C10orf90: variants seen among roughly 807,000 people sequenced by gnomAD.
C10orf90 encodes chromosome 10 open reading frame 90.
Under a neutral mutation model 62.5 loss-of-function variants are expected in C10orf90, and 56 were observed. That is an observed-to-expected ratio of 0.90 (90% CI 0.72 to 1.12). C10orf90 has a LOEUF of 1.12. Ranked by LOEUF, C10orf90 falls within the 50% of genes most tolerant of loss-of-function variation. The pLI, the probability that C10orf90 is intolerant of heterozygous loss-of-function variation, is 0.00. For synonymous variants in C10orf90, 386 were observed against 340.4 expected (o/e 1.13, Z -1.47); for missense variants, 970 against 880.4 (o/e 1.10, Z -1.29).
At position 126,477,076 on chromosome 10, in the gene C10orf90, A is replaced by ATTTTTTTTTTTTTTTTTTT. The variant is rs551973906; in HGVS notation, c.1535-12109_1535-12091dup. ...AGGTGCCCAACATCACGCCTGGCTA[A>ATTTTTTTTTTTTTTTTTTT]TTTTTTTTTTTTTTTTTTTTTTTTT... On this transcript the variant is annotated intron_variant, in intron 4 of 9. Coordinates refer to ENST00000488181, the MANE Select transcript of C10orf90 (RefSeq NM_001350921.2). 1.6e-4 allele frequency among the ~76,000 whole-genome samples: 9 copies of ATTTTTTTTTTTTTTTTTTT among 56,434 alleles called. 2 individuals carry two copies. Among genetic ancestry groups the ATTTTTTTTTTTTTTTTTTT allele is most frequent in the Non-Finnish European group, 2.9e-4 (9 of 30,884 alleles). The allele number at this position is 56,434 out of a possible 152,430, so 37.0% of individuals were successfully genotyped here.
chr10:126,544,200 C>A (rs1415418624), intron 2 of C10orf90, among the ~76,000 whole-genome samples: 1 of 152,318 alleles, frequency 6.6e-6, no homozygotes, highest in South Asian at 2.1e-4. Context: ...GGCCCAGGGG[C>A]CCCAGTTGGT....
intron 2 of C10orf90, among the ~76,000 whole-genome samples, chr10:126,644,584 C>T (rs954276435): frequency 6.6e-6 from 1 of 152,206 alleles, no homozygotes; most frequent in African/African-American, 2.4e-5. Flanking sequence ...TGTCTCCCTC[C>T]CAACCCAGGG....
chr10:126,571,792 C>A (rs1012980896), intron 2 of C10orf90, among the ~76,000 whole-genome samples: 5 of 152,090 alleles, frequency 3.3e-5, no homozygotes, highest in Non-Finnish European at 7.4e-5. Context: ...GAACCTGGGA[C>A]TCCAGGCGTA....
intron 4 of C10orf90, chr10:126,470,033 C>A: frequency 4.4e-6 from 2 of 455,874 alleles, no homozygotes; most frequent in South Asian, 3.1e-5. Flanking sequence ...CATTCTTCTG[C>A]AGGATGCATG....
At position 126,487,182 on chromosome 10, in the gene C10orf90, A is replaced by C. The variant is rs375276275; in HGVS notation, c.1534+16775T>G. ...AAAAAAAAAAAAGAAAGAAAGAACA[A>C]AAGAACGACATAGTATAAAACACAC... On this transcript the variant is annotated intron_variant, in intron 4 of 9. Transcript: ENST00000488181. Among the ~76,000 whole-genome samples the C allele has an allele frequency of 1.5e-4, 23 of 151,418 alleles. No homozygotes were observed. In the South Asian group the frequency reaches 2.9e-3, roughly 19 times the overall value.
At chr10:126,520,522 C>T (rs1008650707) in intron 2 of C10orf90, 2 of 152,230 alleles carry the variant, frequency 1.3e-5, no homozygotes, top group Non-Finnish European at 2.9e-5. Flanking sequence ...CCTAACTCCT[C>T]ACCCGTGACA....
chr10:126,622,385 A>T (rs1446788348), intron 2 of C10orf90, among the ~76,000 whole-genome samples: 1 of 152,142 alleles, frequency 6.6e-6, no homozygotes, highest in Non-Finnish European at 1.5e-5. Flanking sequence ...TGACCCAGAA[A>T]AAAGCCTCAG....
chr10:126,632,842 T>A (rs1011236365), intron 2 of C10orf90, among the ~76,000 whole-genome samples: 1 of 152,166 alleles, frequency 6.6e-6, no homozygotes, highest in African/African-American at 2.4e-5. Flanking sequence ...TAGATGAGCC[T>A]GAGTGAGCAG....
chr10:126,448,115 C>T (rs1326401760), intron 7 of C10orf90, among the ~76,000 whole-genome samples: 2 of 148,626 alleles, frequency 1.3e-5, no homozygotes, highest in Non-Finnish European at 3.0e-5. Context: ...CATGATCCCC[C>T]TGCCTCGGCC....
intron 2 of C10orf90, among the ~76,000 whole-genome samples, chr10:126,518,697 G>A (rs1353507384): frequency 6.6e-6 from 1 of 152,168 alleles, no homozygotes; most frequent in Non-Finnish European, 1.5e-5. Flanking sequence ...CCCAGGGAGT[G>A]TGTGTGCTCA....
chr10:126,546,784 TA>T (rs1864501923), intron 2 of C10orf90, among the ~76,000 whole-genome samples: 1 of 152,192 alleles, frequency 6.6e-6, no homozygotes, highest in African/African-American at 2.4e-5. Flanking sequence ...GAAGATTTAA[TA>T]AGATCCAGAG....
At chr10:126,445,197 A>G (rs1273070914) in intron 7 of C10orf90, among the ~76,000 whole-genome samples, 2 of 152,192 alleles carry the variant, frequency 1.3e-5, no homozygotes, top group Non-Finnish European at 2.9e-5. Flanking sequence ...GAGCTTTTGC[A>G]TGACAAAAGG....
chr10:126,489,555 T>G (rs1168630118), intron 4 of C10orf90, among the ~76,000 whole-genome samples: 1 of 152,066 alleles, frequency 6.6e-6, no homozygotes, highest in African/African-American at 2.4e-5. Flanking sequence ...TGGATATTAA[T>G]TGAAAAAACA....
intron 2 of C10orf90, among the ~76,000 whole-genome samples, chr10:126,608,212 G>T (rs779245633): frequency 6.6e-6 from 1 of 152,136 alleles, no homozygotes; most frequent in African/African-American, 2.4e-5. Flanking sequence ...GGGCTCAAGC[G>T]ATCCTCCGAT....
chr10:126,563,091 G>A lies in C10orf90; in HGVS notation c.314-49152C>T, dbSNP rs542677733. On this transcript the variant is annotated intron_variant, in intron 2 of 9. Coordinates refer to ENST00000488181, the MANE Select transcript of C10orf90 (RefSeq NM_001350921.2). Reference sequence around the variant, plus strand: ...CGGAGTATTTACACCACAGAAAGTGGCAAATGCTACAACTCGGGGCAAAAT... The same window carrying A: ...CGGAGTATTTACACCACAGAAAGTGACAAATGCTACAACTCGGGGCAAAAT... 1.5e-3 allele frequency among the ~76,000 whole-genome samples: 229 copies of A among 152,308 alleles called. 1 individual carries two copies. The highest frequency in any genetic ancestry group is 5.1e-3 in the African/African-American group (211 of 41,566).
intron 2 of C10orf90, among the ~76,000 whole-genome samples, chr10:126,616,720 C>T (rs7095727): frequency 0.048 from 7,350 of 152,188 alleles, 520 homozygotes; most frequent in African/African-American, 0.16. Flanking sequence ...TAATTAATGG[C>T]CATTCACCAT....
intron 4 of C10orf90, among the ~76,000 whole-genome samples, chr10:126,493,055 C>T (rs576806334): frequency 2.0e-5 from 3 of 151,512 alleles, no homozygotes; most frequent in Admixed American, 6.6e-5. Context: ...AGCCATTAAA[C>T]GATTAACAGG....
At chr10:126,492,962 A>T (rs1009038926) in intron 4 of C10orf90, among the ~76,000 whole-genome samples, 2 of 152,222 alleles carry the variant, frequency 1.3e-5, no homozygotes, top group African/African-American at 4.8e-5. Flanking sequence ...ACACATTGCT[A>T]TAAAAATGTA....
At chr10:126,666,553 G>T (rs1846630847) in intron 1 of C10orf90, among the ~76,000 whole-genome samples, 1 of 152,160 alleles carries the variant, frequency 6.6e-6, no homozygotes, top group Admixed American at 6.5e-5. Context: ...ACGAGGAGGG[G>T]TGTGGGAGAT....
Sources: gnomAD v4.1 joint callset for allele counts (sites outside exome capture counted in the v4.1 genomes callset) on GRCh38, gnomAD v4.1.1 for gene constraint, MANE v1.5 for transcripts, NCBI Gene and HGNC (gene_info 2026-07-23, HGNC 2026-07-21) for gene names.